The following TULP3 variants were observed in gnomAD, a reference collection of about 807,000 sequenced individuals.
TULP3 encodes TUB like protein 3, also known as tubby-related protein 3.
In TULP3, 38 loss-of-function variants were observed where a neutral mutation model predicts 50.7. The observed-to-expected ratio is 0.75, with a 90% CI of 0.58 to 0.98. The LOEUF is 0.98. Among genes scored for constraint, TULP3 ranks in the 50% least tolerant of loss-of-function variants. The pLI is 0.00. For synonymous variants in TULP3, 183 were observed against 196.6 expected (o/e 0.93, Z 0.58); for missense variants, 550 against 568.0 (o/e 0.97, Z 0.32).
chr12:2,921,164 G>A (rs1448744785), intron 3 of TULP3, among the ~76,000 whole-genome samples: 1 of 152,076 alleles, frequency 6.6e-6, no homozygotes, highest in Non-Finnish European at 1.5e-5. Flanking sequence ...TTGAGACGGA[G>A]TTTTGCTTTT....
At chr12:2,906,090 A>T (rs1246670614) in intron 1 of TULP3, among the ~76,000 whole-genome samples, 1 of 147,924 alleles carries the variant, frequency 6.8e-6, no homozygotes, top group African/African-American at 2.5e-5. Flanking sequence ...GAGTGCAGTG[A>T]CGCCATCTTG....
chr12:2,911,861 C>T (rs1455292140), intron 2 of TULP3, among the ~76,000 whole-genome samples: 1 of 151,410 alleles, frequency 6.6e-6, no homozygotes, highest in Non-Finnish European at 1.5e-5. Flanking sequence ...TGGTAGTGTG[C>T]ACCTGTAGTT....
chr12:2,894,867 C>T (rs1049533810), intron 1 of TULP3, among the ~76,000 whole-genome samples: 5 of 152,022 alleles, frequency 3.3e-5, no homozygotes, highest in African/African-American at 1.2e-4. Flanking sequence ...GCACTCCAGC[C>T]TGGGCGACAA....
chr12:2,918,810 G>C (rs548525067), intron 2 of TULP3, among the ~76,000 whole-genome samples: 1 of 152,304 alleles, frequency 6.6e-6, no homozygotes, highest in South Asian at 2.1e-4. Flanking sequence ...AAAGTGCTGG[G>C]ATTACAGGCA....
At chr12:2,924,819 A>G (rs923629018) in intron 4 of TULP3, among the ~76,000 whole-genome samples, 3 of 152,076 alleles carry the variant, frequency 2.0e-5, no homozygotes, top group Non-Finnish European at 4.4e-5. Flanking sequence ...GTGCTGCTGC[A>G]TTCCAGCCTG....
intron 2 of TULP3, among the ~76,000 whole-genome samples, chr12:2,916,863 C>T (rs2098188959): frequency 6.6e-6 from 1 of 152,184 alleles, no homozygotes; most frequent in Non-Finnish European, 1.5e-5. Context: ...GTAGCTGTGG[C>T]CCTGATTACA....
intron 1 of TULP3, among the ~76,000 whole-genome samples, chr12:2,898,937 G>A (rs567911763): frequency 1.2e-4 from 18 of 152,212 alleles, no homozygotes; most frequent in South Asian, 2.1e-4. Context: ...CATAGGCATC[G>A]CAAAGTGCTG....
At chr12:2,929,177 C>T (rs1035534535) in intron 4 of TULP3, among the ~76,000 whole-genome samples, 2 of 151,906 alleles carry the variant, frequency 1.3e-5, no homozygotes, top group African/African-American at 2.4e-5. Flanking sequence ...ATTAGCCGGG[C>T]ATGGTGGCGC....
At chr12:2,920,466 G>A (rs1024542820) in intron 2 of TULP3, among the ~76,000 whole-genome samples, 2 of 151,852 alleles carry the variant, frequency 1.3e-5, no homozygotes, top group Non-Finnish European at 2.9e-5. Context: ...CTGTGATGGT[G>A]CCACTGCACT....
chr12:2,902,085 A>T (rs2098179620), intron 1 of TULP3, among the ~76,000 whole-genome samples: 1 of 152,168 alleles, frequency 6.6e-6, no homozygotes, highest in Admixed American at 6.5e-5. Context: ...TTTATTTCTG[A>T]TAGGTTGAGT....
intron 1 of TULP3, among the ~76,000 whole-genome samples, chr12:2,895,763 C>T (rs893018037): frequency 6.6e-6 from 1 of 152,032 alleles, no homozygotes; most frequent in Non-Finnish European, 1.5e-5. Flanking sequence ...GTTGTGTGAA[C>T]GTCATAGTGT....
chr12:2,920,814 G>T lies in TULP3; in HGVS notation c.145G>T (p.Val49Leu). 1 of 1,614,092 alleles carries T rather than the reference G, an allele frequency of 6.2e-7. No individual in the cohort carries two copies. The highest frequency in any genetic ancestry group is 1.1e-5 in the South Asian group (1 of 91,082). Residue 49 changes from valine (V) to leucine (L), a missense_variant, in exon 3 of 11, where the codon GTG becomes TTG. Val to Leu is a conservative substitution (Grantham distance 32). Coordinates refer to ENST00000448120, the MANE Select transcript of TULP3 (RefSeq NM_003324.5). Reference sequence around the variant, plus strand: ...GAAAAAGCGCCTTGAGCCATTTATGGTGCAGCCCAATCCAGAAGCCAGGCT... The same window carrying T: ...GAAAAAGCGCCTTGAGCCATTTATGTTGCAGCCCAATCCAGAAGCCAGGCT... ...QRKKRLEPFM[V>L]QPNPEARLRR...
At chr12:2,931,335 A>T in intron 6 of TULP3, 95 bp downstream of exon 6, 1 of 1,156,712 alleles carries the variant, frequency 8.6e-7, no homozygotes, top group Non-Finnish European at 1.2e-6. Context: ...CTCTGGTATT[A>T]GACCAAGCCA....
In TULP3 at chr12:2,938,110, A is replaced by C; in HGVS notation, c.1024-4A>C. The C allele has an allele frequency of 6.2e-7, 1 of 1,614,142 alleles. No homozygotes were observed. Among genetic ancestry groups the C allele is most frequent in the African/African-American group, 1.3e-5 (1 of 75,038 alleles). On this transcript the variant is annotated splice_region_variant and splice_polypyrimidine_tract_variant and intron_variant, in intron 9 of 10. Coordinates refer to ENST00000448120, the MANE Select transcript of TULP3 (RefSeq NM_003324.5). The stretch of plus-strand genomic sequence containing the variant: ...TACAAAGTAATGATTTTCCCTTTGG[A>C]CAGAACCATGACAGTTTGCTCTCAA...
intron 1 of TULP3, among the ~76,000 whole-genome samples, chr12:2,893,422 G>A (rs1380004557): frequency 1.3e-5 from 2 of 148,308 alleles, no homozygotes; most frequent in Admixed American, 6.8e-5. Context: ...CTGGGTTCCA[G>A]TGATTCTCCA....
In TULP3 at chr12:2,940,527, C is replaced by T; in HGVS notation, c.*1083C>T. The T allele has an allele frequency of 1.3e-6, 2 of 1,546,368 alleles. No homozygotes were observed. The highest frequency in any genetic ancestry group is 1.7e-6 in the Non-Finnish European group (2 of 1,144,056). ...GACTCTTACACCAGTTCACCCTTCC[C>T]AGAATGTATCCAAACCTTGAGAATG... On this transcript the variant is annotated 3_prime_UTR_variant, in exon 11 of 11. Transcript: ENST00000448120.
chr12:2,939,729 C>A lies in TULP3; in HGVS notation c.*285C>A. 1 of 1,269,638 alleles carries A rather than the reference C, an allele frequency of 7.9e-7. No individual in the cohort carries two copies. The highest frequency in any genetic ancestry group is 1.0e-6 in the Non-Finnish European group (1 of 995,450). 78.6% of individuals were successfully genotyped at this position (1,269,638 alleles called of 1,614,324 possible). ...GAGCAATAGTTTGCCCCTTTTGGAA[C>A]GACCCCTGAATATATAAAACACACA... On this transcript the variant is annotated 3_prime_UTR_variant, in exon 11 of 11. Transcript: ENST00000448120. The surrounding 1 kb of genome is among the most constrained non-coding windows in gnomAD (Gnocchi z 4.0).
In TULP3 at chr12:2,931,155, G is replaced by T. The variant is rs1256076642; in HGVS notation, c.611G>T (p.Cys204Phe). 1.2e-6 allele frequency: 2 copies of T among 1,614,190 alleles called. No homozygotes were observed. The highest frequency in any genetic ancestry group is 2.7e-5 in the African/African-American group (2 of 75,036). The change falls in exon 6 of 11, where the codon TGT (cysteine) becomes TTT (phenylalanine). Residue 204 changes from cysteine to phenylalanine, a missense_variant. Transcript: ENST00000448120. ...GCCCCTCAAGGTGTCACAGTAAGAT[G>T]TCGGATAATCCGGGATAAAAGGGGA... ...SPAPQGVTVRCRIIRDKRGMD... is the reference protein window; with the variant it reads ...SPAPQGVTVRFRIIRDKRGMD...
chr12:2,915,632 C>A (rs1194179116), intron 2 of TULP3, among the ~76,000 whole-genome samples: 1 of 151,568 alleles, frequency 6.6e-6, no homozygotes, highest in East Asian at 1.9e-4. Flanking sequence ...GCAACCTCCA[C>A]CTCCCAGGTT....
Sources: allele counts gnomAD v4.1 joint callset (sites outside exome capture counted in the v4.1 genomes callset), GRCh38; gene constraint gnomAD v4.1.1; non-coding constraint Gnocchi (gnomAD v3.1); transcripts MANE v1.5; gene names NCBI Gene and HGNC (gene_info 2026-07-23, HGNC 2026-07-21).